The following ALMS1 variants were observed in gnomAD, a reference collection of about 807,000 sequenced individuals.
ALMS1 encodes the protein ALMS1 centrosome and basal body associated protein, also known as centrosome-associated protein ALMS1.
A neutral mutation model predicts 352.2 loss-of-function variants in ALMS1; 271 were observed. The observed-to-expected ratio is 0.77, with a 90% confidence interval of 0.70 to 0.85. ALMS1 has a LOEUF of 0.85. Ranked by LOEUF, ALMS1 falls within the 40% of genes least tolerant of loss-of-function variation. The probability of loss-of-function intolerance (pLI) is 0.00; values close to 1 mark genes in which losing one functional copy is unlikely to be tolerated. For synonymous variants in ALMS1, 1,865 were observed against 1,761.2 expected (o/e 1.06, Z -1.48); for missense variants, 5,445 against 4,870.7 (o/e 1.12, Z -3.51).
rs372741747 is a variant in ALMS1 at position 73,551,425 on chromosome 2, CTTTTTTTTTTTT to C, written c.10078+1005_10078+1016del. On this transcript the variant is annotated intron_variant, in intron 13 of 22. Coordinates refer to ENST00000613296, the MANE Select transcript of ALMS1 (RefSeq NM_001378454.1). ...TCACTGTGGGTATTTGAGTTTCAAT[CTTTTTTTTTTTT>C]TTTTTTTTTTTTTTTTGAGTTGGAG... is the stretch of plus-strand genomic sequence containing the variant. Among the ~76,000 whole-genome samples the C allele has an allele frequency of 6.4e-3, 469 of 73,714 alleles. 10 individuals carry two copies. Among genetic ancestry groups the C allele is most frequent in the African/African-American group, 0.027 (427 of 15,944 alleles). The allele number at this position is 73,714 out of a possible 152,430, so 48.4% of individuals were successfully genotyped here.
intron 12 of ALMS1, among the ~76,000 whole-genome samples, chr2:73,535,779 T>C (rs904750460): frequency 7.2e-5 from 11 of 152,184 alleles, no homozygotes; most frequent in Admixed American, 6.5e-4. Context: ...AGGGTTTTGA[T>C]TGGTGGGACA....
At chr2:73,419,527 A>G (rs1371473517) in intron 3 of ALMS1, among the ~76,000 whole-genome samples, 5 of 152,074 alleles carry the variant, frequency 3.3e-5, no homozygotes, top group East Asian at 3.9e-4. Flanking sequence ...CTCTCATTTT[A>G]TCACTTCCCG....
intron 7 of ALMS1, among the ~76,000 whole-genome samples, chr2:73,444,973 A>G (rs1203838396): frequency 6.6e-6 from 1 of 152,154 alleles, no homozygotes; most frequent in Non-Finnish European, 1.5e-5. Context: ...AAGCAAGAAT[A>G]ACAACAATGA....
At chr2:73,533,466 A>G (rs1455967797) in intron 11 of ALMS1, among the ~76,000 whole-genome samples, 1 of 152,220 alleles carries the variant, frequency 6.6e-6, no homozygotes, top group Non-Finnish European at 1.5e-5. Context: ...AGTAACTGCT[A>G]CAGCTATCAT....
chr2:73,461,748 A>T (rs999658067), intron 9 of ALMS1, among the ~76,000 whole-genome samples: 3 of 152,220 alleles, frequency 2.0e-5, no homozygotes, highest in African/African-American at 7.2e-5. Context: ...ACCAATGCAG[A>T]GAAGTCCTTA....
chr2:73,511,049 A>AAT (rs1323963814), intron 10 of ALMS1, among the ~76,000 whole-genome samples: 1 of 152,120 alleles, frequency 6.6e-6, no homozygotes, highest in East Asian at 1.9e-4. Flanking sequence ...ACAAAGCTTG[A>AAT]ATATCCTAGG....
rs55889738 is a variant in ALMS1, at chr2:73,385,903, TGGAGGAGGAGGAGGAGGA to T, written c.57_74del (p.Glu23_Glu28del). 918 of 701,364 alleles carry T rather than the reference TGGAGGAGGAGGAGGAGGA, an allele frequency of 1.3e-3. 4 individuals carry two copies. The highest frequency in any genetic ancestry group is 1.1e-3 in the Non-Finnish European group (462 of 401,920). The allele number at this position is 701,364 out of a possible 1,614,324, so 43.4% of individuals were successfully genotyped here. A position where few individuals can be genotyped will look rare whatever the true frequency, so the allele number is the denominator to read the frequency against. ...GAGGATCTGCCATGGCCGGGCGAGC[TGGAGGAGGAGGAGGAGGA>T]GGAGGAGGAGGAGGAGGAGGAAGAG... is the stretch of plus-strand genomic sequence containing the variant. On this transcript the variant is annotated inframe_deletion, in exon 1 of 23. Coordinates refer to ENST00000613296, the MANE Select transcript of ALMS1 (RefSeq NM_001378454.1).
At chr2:73,535,257 C>T (rs192493874) in intron 12 of ALMS1, among the ~76,000 whole-genome samples, 33 of 152,112 alleles carry the variant, frequency 2.2e-4, no homozygotes, top group African/African-American at 5.5e-4. Flanking sequence ...TTATTTTCTC[C>T]GCTTTATATA....
At chr2:73,535,878 A>G (rs1441732775) in intron 12 of ALMS1, among the ~76,000 whole-genome samples, 1 of 152,206 alleles carries the variant, frequency 6.6e-6, no homozygotes, top group African/African-American at 2.4e-5. Flanking sequence ...TTATATATAT[A>G]GAAATTACAA....
At chr2:73,392,395 A>T (rs143720333) in intron 1 of ALMS1, among the ~76,000 whole-genome samples, 20 of 152,016 alleles carry the variant, frequency 1.3e-4, no homozygotes, top group African/African-American at 4.8e-4. Flanking sequence ...CTTTAATTTA[A>T]AGTGCACAAT....
At chr2:73,479,175 A>C (rs1203277612) in intron 9 of ALMS1, among the ~76,000 whole-genome samples, 7 of 152,160 alleles carry the variant, frequency 4.6e-5, no homozygotes, top group Non-Finnish European at 8.8e-5. Flanking sequence ...GTTTTGAAAT[A>C]ATTGTAGTTT....
At position 73,491,079 on chromosome 2, in the gene ALMS1, T is replaced by C. The variant is rs1358508554; in HGVS notation, c.9120T>C (p.Asn3040=). 2 of 1,614,218 alleles carry C rather than the reference T, an allele frequency of 1.2e-6. No homozygotes were observed. The highest frequency in any genetic ancestry group is 8.5e-7 in the Non-Finnish European group (1 of 1,180,026). Residue 3040 remains asparagine (N), a synonymous_variant, in exon 10 of 23, where the codon AAT becomes AAC. Coordinates refer to ENST00000613296, the MANE Select transcript of ALMS1 (RefSeq NM_001378454.1). ...CATCTGCATCTACTCCTCCTTCAAA[T>C]AGAAAAGCACTTTCTTGTGTTCATA... The part of the protein sequence containing the change: ...LAASASTPPS[N]RKALSCVHIT...
intron 15 of ALMS1, among the ~76,000 whole-genome samples, chr2:73,567,495 A>T (rs573608685): frequency 3.9e-5 from 6 of 152,344 alleles, no homozygotes; most frequent in Middle Eastern, 3.4e-3. Flanking sequence ...TCACAGTATT[A>T]CAATTTACAG....
At chr2:73,601,106 C>A (rs1172951377) in intron 18 of ALMS1, 89 bp from the exon 19 acceptor site, 7 of 1,595,736 alleles carry the variant, frequency 4.4e-6, no homozygotes, top group Non-Finnish European at 6.0e-6. Flanking sequence ...CCCTGAGAAC[C>A]TGTATTATAT....
intron 1 of ALMS1, among the ~76,000 whole-genome samples, chr2:73,401,550 T>C (rs1050639744): frequency 2.6e-5 from 4 of 152,194 alleles, no homozygotes; most frequent in African/African-American, 4.8e-5. Context: ...TTTTCTGTTA[T>C]TGATTTCTAG....
chr2:73,534,970 G>T (rs771281086), intron 12 of ALMS1, 21 bp downstream of exon 12: 1 of 1,613,172 alleles, frequency 6.2e-7, no homozygotes, highest in Non-Finnish European at 8.5e-7. Context: ...GAAATTATTC[G>T]AAGTTTTATT....
chr2:73,474,894 G>A lies in ALMS1; in HGVS notation c.7675-14740G>A, dbSNP rs528310713. Among the ~76,000 whole-genome samples the A allele has an allele frequency of 2.0e-5, 3 of 152,078 alleles. No individual in the cohort carries two copies. The South Asian group carries it at 6.2e-4, about 32-fold the overall frequency. On this transcript the variant is annotated intron_variant, in intron 9 of 22. Coordinates refer to ENST00000613296, the MANE Select transcript of ALMS1 (RefSeq NM_001378454.1). ...TAATTTTAGAACTTTGTTGTCATTA[G>A]CCCCTCTCCCCCAATTCCCTAGCCC...
intron 7 of ALMS1, among the ~76,000 whole-genome samples, chr2:73,444,472 A>G (rs974614867): frequency 1.5e-4 from 23 of 152,226 alleles, no homozygotes; most frequent in African/African-American, 5.3e-4. Flanking sequence ...GGAAGAGTCT[A>G]TAACGCACTT....
intron 7 of ALMS1, among the ~76,000 whole-genome samples, chr2:73,446,625 A>G (rs768565169): frequency 4.6e-5 from 7 of 152,322 alleles, no homozygotes; most frequent in Non-Finnish European, 1.0e-4. Flanking sequence ...GAAGCTCGTC[A>G]GTGGCCATAG....
Sources: allele counts gnomAD v4.1 joint callset (sites outside exome capture counted in the v4.1 genomes callset), GRCh38; gene constraint gnomAD v4.1.1; transcripts MANE v1.5; gene names NCBI Gene and HGNC (gene_info 2026-07-23, HGNC 2026-07-21).